TRAK1: variants seen among roughly 807,000 people sequenced by gnomAD.
TRAK1 encodes the protein trafficking kinesin-binding protein 1.
A neutral mutation model predicts 92.1 loss-of-function variants in TRAK1; 33 were observed. The ratio of observed to expected loss-of-function variants is 0.36; its 90% CI spans 0.27 to 0.48. TRAK1 has a LOEUF of 0.48. Among genes scored for constraint, TRAK1 ranks in the 20% least tolerant of loss-of-function variants. TRAK1 has a pLI of 0.99. For missense variants in TRAK1, 1,123 were observed against 1,257.9 expected (o/e 0.89, Z 1.62); for synonymous variants, 521 against 517.3 (o/e 1.01, Z -0.10).
At chr3:42,155,823 T>A (rs1240881656) in intron 2 of TRAK1, among the ~76,000 whole-genome samples, 1 of 152,206 alleles carries the variant, frequency 6.6e-6, no homozygotes, top group Non-Finnish European at 1.5e-5. Context: ...ACATAAATAG[T>A]CCCAGTGGCT....
At chr3:42,053,019 C>T (rs1413247386) in intron 1 of TRAK1, among the ~76,000 whole-genome samples, 1 of 152,156 alleles carries the variant, frequency 6.6e-6, no homozygotes, top group Non-Finnish European at 1.5e-5. Flanking sequence ...ACTCCATTGC[C>T]ATTTAGATTT....
chr3:42,123,374 G>C (rs1443725635), intron 1 of TRAK1, among the ~76,000 whole-genome samples: 1 of 152,218 alleles, frequency 6.6e-6, no homozygotes, highest in African/African-American at 2.4e-5. Context: ...AACAGGGAAG[G>C]GACTGGTTCT....
In TRAK1 at chr3:42,149,263, A is replaced by G. The variant is rs1699676470; in HGVS notation, c.286+23649A>G. Reference sequence around the variant, plus strand: ...CAGGGCTGCTGTCCAGTGCTGCTTTATTGGCAGTGCTGCCAGGGTCTCCGT... The same window carrying G: ...CAGGGCTGCTGTCCAGTGCTGCTTTGTTGGCAGTGCTGCCAGGGTCTCCGT... On this transcript the variant is annotated intron_variant, in intron 2 of 15. Transcript: ENST00000327628. 3.0e-6 allele frequency: 4 copies of G among 1,339,602 alleles called. No homozygotes were observed. The South Asian group carries it at 6.7e-5, about 22-fold the overall frequency. 83.0% of individuals were successfully genotyped at this position (1,339,602 alleles called of 1,614,324 possible).
intron 2 of TRAK1, among the ~76,000 whole-genome samples, chr3:42,139,994 G>C (rs1698452093): frequency 6.6e-6 from 1 of 152,172 alleles, no homozygotes; most frequent in Non-Finnish European, 1.5e-5. Context: ...CTGGCAGGAG[G>C]CAGACTCAGA....
At chr3:42,120,430 G>A (rs935069321) in intron 1 of TRAK1, among the ~76,000 whole-genome samples, 2 of 150,802 alleles carry the variant, frequency 1.3e-5, no homozygotes, top group Admixed American at 6.6e-5. Context: ...TGGTGGGCCG[G>A]CAGTGTCCAT....
At chr3:42,030,318 C>CA (rs1279693265) in intron 1 of TRAK1, among the ~76,000 whole-genome samples, 1 of 148,962 alleles carries the variant, frequency 6.7e-6, no homozygotes, top group Non-Finnish European at 1.5e-5. Flanking sequence ...GCTGTGATCT[C>CA]GCCACTGTAC....
intron 1 of TRAK1, among the ~76,000 whole-genome samples, chr3:42,018,853 G>T (rs1342999605): frequency 6.6e-6 from 1 of 152,234 alleles, no homozygotes; most frequent in African/African-American, 2.4e-5. Flanking sequence ...GCTGAGTGTG[G>T]TGGCTTACGC....
chr3:42,069,359 G>C (rs2148935498), intron 1 of TRAK1, among the ~76,000 whole-genome samples: 1 of 151,582 alleles, frequency 6.6e-6, no homozygotes, highest in South Asian at 2.1e-4. Context: ...GGGTGGGTCG[G>C]ATGGTGCAGT....
At chr3:42,073,003 G>A (rs1372913662) in intron 1 of TRAK1, among the ~76,000 whole-genome samples, 1 of 152,188 alleles carries the variant, frequency 6.6e-6, no homozygotes, top group African/African-American at 2.4e-5. Flanking sequence ...ATGTGTGTTT[G>A]TGTGTTCGTG....
chr3:42,053,940 G>T (rs1703089830), intron 1 of TRAK1, among the ~76,000 whole-genome samples: 1 of 152,120 alleles, frequency 6.6e-6, no homozygotes, highest in Non-Finnish European at 1.5e-5. Flanking sequence ...GATGCACAAA[G>T]GTCTCTTTTG....
rs954293523 is a variant in TRAK1, at chr3:42,091,468, A to C, written c.-2A>C. 6.2e-7 allele frequency: 1 copy of C among 1,613,454 alleles called. No individual in the cohort carries two copies. The stretch of plus-strand genomic sequence containing the variant: ...AAGTGCCTTTGGAGTTTATGTCTGC[A>C]CATGGCATTGGTTTTTCAATTCGGG... On this transcript the variant is annotated 5_prime_UTR_variant, in exon 1 of 16. Coordinates refer to ENST00000327628, the MANE Select transcript of TRAK1 (RefSeq NM_001042646.3).
upstream of TRAK1, among the ~76,000 whole-genome samples, chr3:42,090,896 G>A (rs1164776389): frequency 6.6e-6 from 1 of 152,198 alleles, no homozygotes; most frequent in Admixed American, 6.5e-5. Flanking sequence ...GGGATGGGCT[G>A]TCAGGTGATG....
chr3:42,097,926 C>G (rs1706171942), intron 1 of TRAK1, among the ~76,000 whole-genome samples: 2 of 152,222 alleles, frequency 1.3e-5, no homozygotes, highest in Non-Finnish European at 2.9e-5. Flanking sequence ...TGCTGTGATA[C>G]TGACAACTAT....
At position 42,030,689 on chromosome 3, in the gene TRAK1, AATATATATATATATATATAT is replaced by A. The variant is rs57651073; in HGVS notation, c.-519+16605_-519+16624del. 9.1e-3 allele frequency among the ~76,000 whole-genome samples: 891 copies of A among 97,656 alleles called. 81 individuals carry two copies. Among genetic ancestry groups the A allele is most frequent in the African/African-American group, 0.046 (823 of 18,080 alleles). 64.1% of individuals were successfully genotyped at this position (97,656 alleles called of 152,430 possible). A position where few individuals can be genotyped will look rare whatever the true frequency, so the allele number is the denominator to read the frequency against. Reference sequence around the variant, plus strand: ...CTCCATCTCAAAAAAAAAAAAAAAGAATATATATATATATATATATATATATATATATATATATATATATA... The same window carrying A: ...CTCCATCTCAAAAAAAAAAAAAAAGAATATATATATATATATATATATATA... On this transcript the variant is annotated intron_variant, in intron 1 of 16. Coordinates refer to the TRAK1 transcript ENST00000487159.
At chr3:42,149,847 G>T (rs1264145941) in intron 2 of TRAK1, among the ~76,000 whole-genome samples, 1 of 152,160 alleles carries the variant, frequency 6.6e-6, no homozygotes, top group African/African-American at 2.4e-5. Flanking sequence ...GGTTTTTGGT[G>T]TGCTGGGCTT....
At chr3:42,161,300 C>G (rs1701246506) in intron 2 of TRAK1, among the ~76,000 whole-genome samples, 1 of 152,222 alleles carries the variant, frequency 6.6e-6, no homozygotes, top group African/African-American at 2.4e-5. Flanking sequence ...CTTTAGGTCC[C>G]TTGAGTAAAA....
At chr3:42,115,557 G>A (rs1484389772) in intron 1 of TRAK1, among the ~76,000 whole-genome samples, 1 of 152,192 alleles carries the variant, frequency 6.6e-6, no homozygotes, top group Non-Finnish European at 1.5e-5. Context: ...AGGCTATGTG[G>A]AACTCAACTG....
chr3:42,149,090 C>A, intron 2 of TRAK1: 1 of 708,362 alleles, frequency 1.4e-6, no homozygotes, highest in Non-Finnish European at 1.7e-6. Context: ...CATCATTTTT[C>A]AGAGCCGGCC....
chr3:42,150,206 C>T (rs576949417), intron 2 of TRAK1, among the ~76,000 whole-genome samples: 50 of 152,164 alleles, frequency 3.3e-4, no homozygotes, highest in African/African-American at 1.1e-3. Flanking sequence ...AAGAATGTGT[C>T]CTTCTGTCAC....
Sources: allele counts gnomAD v4.1 joint callset (sites outside exome capture counted in the v4.1 genomes callset), GRCh38; gene constraint gnomAD v4.1.1; transcripts MANE v1.5; gene names NCBI Gene and HGNC (gene_info 2026-07-23, HGNC 2026-07-21).